The following KLHL2 variants were observed in gnomAD, a reference collection of about 807,000 sequenced individuals.
The protein encoded by KLHL2 is kelch like family member 2, also known as kelch-like protein 2.
A neutral mutation model predicts 75.8 loss-of-function variants in KLHL2; 15 were observed. That is an observed-to-expected ratio of 0.20 (90% confidence interval 0.13 to 0.30). KLHL2 has a LOEUF of 0.30. Ranked by LOEUF, KLHL2 falls within the 10% of genes least tolerant of loss-of-function variation. The pLI, the probability that KLHL2 is intolerant of heterozygous loss-of-function variation, is 1.00. For missense variants in KLHL2, 381 were observed against 741.0 expected, an observed-to-expected ratio of 0.51 and a Z score of 5.64; for synonymous variants, 214 against 251.9, an observed-to-expected ratio of 0.85 and a Z score of 1.42.
rs182440027 is a variant in KLHL2, at chr4:165,283,584, A to G, written c.545-10775A>G. Among the ~76,000 whole-genome samples, 454 of 152,346 alleles carry G rather than the reference A, an allele frequency of 3.0e-3. 1 individual carries two copies. Among genetic ancestry groups the G allele is most frequent in the Middle Eastern group, 0.02 (6 of 294 alleles). On this transcript the variant is annotated intron_variant, in intron 5 of 14. Coordinates refer to ENST00000226725, the MANE Select transcript of KLHL2 (RefSeq NM_007246.4). Reference sequence around the variant, plus strand: ...GATGTAGGTTCCCACAGTCTTGGGCAGCTCCTACCTCCTGGCTGCCTTCAG... The same window carrying G: ...GATGTAGGTTCCCACAGTCTTGGGCGGCTCCTACCTCCTGGCTGCCTTCAG...
At chr4:165,234,857 G>C (rs1469233334) in intron 3 of KLHL2, among the ~76,000 whole-genome samples, 9 of 151,940 alleles carry the variant, frequency 5.9e-5, no homozygotes, top group African/African-American at 1.9e-4. Flanking sequence ...TAGGAGACTG[G>C]GTACGGTGGC....
At chr4:165,240,471 C>A (rs1579020370) in intron 4 of KLHL2, 1 of 151,872 alleles carries the variant, frequency 6.6e-6, no homozygotes, top group Middle Eastern at 3.4e-3. Flanking sequence ...TGAGGTAAGG[C>A]ATTTGAAAAA....
At chr4:165,289,615 C>A (rs1275926062) in intron 5 of KLHL2, among the ~76,000 whole-genome samples, 1 of 144,642 alleles carries the variant, frequency 6.9e-6, no homozygotes, top group East Asian at 2.1e-4. Flanking sequence ...ATTTTCCTTG[C>A]CCTCTTAACC....
chr4:165,302,179 T>G (rs958711942), intron 8 of KLHL2, among the ~76,000 whole-genome samples: 5 of 152,342 alleles, frequency 3.3e-5, no homozygotes, highest in African/African-American at 1.2e-4. Flanking sequence ...GCTTTGACTT[T>G]GCATGTTTAC....
intron 2 of KLHL2, 29 bp downstream of exon 2, chr4:165,220,088 A>G (rs765731126): frequency 8.2e-6 from 13 of 1,577,992 alleles, no homozygotes; most frequent in Non-Finnish European, 1.0e-5. Context: ...ACATGCAACC[A>G]TTGGTTTCGT....
At chr4:165,232,287 C>T (rs1738955206) in intron 3 of KLHL2, among the ~76,000 whole-genome samples, 1 of 151,726 alleles carries the variant, frequency 6.6e-6, no homozygotes, top group Non-Finnish European at 1.5e-5. Context: ...ATTAGCCGGG[C>T]GTGGTGGCGG....
intron 13 of KLHL2, 82 bp downstream of exon 13, chr4:165,314,248 A>C: frequency 1.6e-6 from 2 of 1,278,352 alleles, no homozygotes; most frequent in Non-Finnish European, 2.2e-6. Flanking sequence ...ATGAATATCA[A>C]TGGTATTTCC....
chr4:165,225,027 G>C (rs1738323738), intron 2 of KLHL2, among the ~76,000 whole-genome samples: 1 of 152,182 alleles, frequency 6.6e-6, no homozygotes, highest in Non-Finnish European at 1.5e-5. Flanking sequence ...AAGACCCAAG[G>C]ATGCCTTAGT....
Position 165,252,258 on chromosome 4 carries a change from G to A in KLHL2, c.382-10939G>A, listed in dbSNP as rs1740797324. ...TTTTTCTTGTTTGTGATGTTGTTTAGGTATGGAGCCTGTGTGTGGGATAGC... is the reference window on the plus strand; with the variant it reads ...TTTTTCTTGTTTGTGATGTTGTTTAAGTATGGAGCCTGTGTGTGGGATAGC... On this transcript the variant is annotated intron_variant, in intron 4 of 14. Coordinates refer to ENST00000226725, the MANE Select transcript of KLHL2 (RefSeq NM_007246.4). Among the ~76,000 whole-genome samples the A allele has an allele frequency of 2.6e-5, 4 of 151,840 alleles. No homozygotes were observed. In the South Asian group the frequency reaches 8.3e-4, roughly 32 times the overall value.
intron 4 of KLHL2, among the ~76,000 whole-genome samples, chr4:165,257,292 A>G (rs1741253244): frequency 6.6e-6 from 1 of 152,236 alleles, no homozygotes; most frequent in African/African-American, 2.4e-5. Flanking sequence ...CCATAGCTAC[A>G]TGTGACGGGA....
At chr4:165,291,726 A>G (rs898555376) in intron 5 of KLHL2, among the ~76,000 whole-genome samples, 1 of 152,162 alleles carries the variant, frequency 6.6e-6, no homozygotes, top group East Asian at 1.9e-4. Flanking sequence ...TATTGATTCT[A>G]GGACCCCCAA....
intron 4 of KLHL2, among the ~76,000 whole-genome samples, chr4:165,255,751 C>T (rs1292087624): frequency 6.6e-6 from 1 of 152,106 alleles, no homozygotes; most frequent in Non-Finnish European, 1.5e-5. Context: ...CTACCTTCTC[C>T]CCACACTCCT....
At chr4:165,256,833 CTGTT>C (rs1741213348) in intron 4 of KLHL2, among the ~76,000 whole-genome samples, 1 of 152,128 alleles carries the variant, frequency 6.6e-6, no homozygotes, top group African/African-American at 2.4e-5. Context: ...CCCTCTAATA[CTGTT>C]TGTTGTTATG....
At chr4:165,255,255 G>A (rs999134415) in intron 4 of KLHL2, among the ~76,000 whole-genome samples, 6 of 152,124 alleles carry the variant, frequency 3.9e-5, no homozygotes, top group Non-Finnish European at 7.3e-5. Flanking sequence ...CATTGGAAAT[G>A]CCACCAATTG....
Position 165,300,325 on chromosome 4 carries a change from G to A in KLHL2, c.921+669G>A, listed in dbSNP as rs1309107962. On this transcript the variant is annotated intron_variant, in intron 8 of 14. Coordinates refer to ENST00000226725, the MANE Select transcript of KLHL2 (RefSeq NM_007246.4). Reference sequence around the variant, plus strand: ...AAAAAAAAAAAAAAAGAATTATTTTGTAAGCTAGGTGTTTGTTTAATAACT... The same window carrying A: ...AAAAAAAAAAAAAAAGAATTATTTTATAAGCTAGGTGTTTGTTTAATAACT... Among the ~76,000 whole-genome samples the A allele has an allele frequency of 6.0e-5, 9 of 151,244 alleles. No homozygotes were observed. In the East Asian group the frequency reaches 1.4e-3, roughly 23 times the overall value.
intron 7 of KLHL2, among the ~76,000 whole-genome samples, chr4:165,299,132 A>G (rs1421166660): frequency 2.0e-5 from 3 of 152,104 alleles, no homozygotes; most frequent in Admixed American, 1.3e-4. Flanking sequence ...TATTGTCTTC[A>G]CCTGAAGGAT....
rs1307677838 is a variant in KLHL2 at position 165,310,851 on chromosome 4, TTG to T, written c.1237+105_1237+106del. 4.4e-4 allele frequency: 406 copies of T among 931,556 alleles called. 4 individuals carry two copies. The African/African-American group carries it at 5.9e-3, about 14-fold the overall frequency. 57.7% of individuals were successfully genotyped at this position (931,556 alleles called of 1,614,324 possible). On this transcript the variant is annotated intron_variant, in intron 10 of 14. Coordinates refer to ENST00000226725, the MANE Select transcript of KLHL2 (RefSeq NM_007246.4). ...AACATTAGGGCACATGTGAGGTTTT[TTG>T]TGTTTTTTTTTTTTTTTTTGAGATG... is the stretch of plus-strand genomic sequence containing the variant.
At chr4:165,218,135 C>T (rs1046882166) in intron 1 of KLHL2, among the ~76,000 whole-genome samples, 1 of 152,162 alleles carries the variant, frequency 6.6e-6, no homozygotes, top group Non-Finnish European at 1.5e-5. Flanking sequence ...ATTGTAATAT[C>T]CTGCTAAATA....
In KLHL2 at chr4:165,263,803, TTG is replaced by T. The variant is rs1171089312; in HGVS notation, c.544+446_544+447del. Among the ~76,000 whole-genome samples, 240 of 90,652 alleles carry T rather than the reference TTG, an allele frequency of 2.6e-3. 1 individual carries two copies. Among genetic ancestry groups the T allele is most frequent in the Middle Eastern group, 0.012 (2 of 168 alleles). The allele number at this position is 90,652 out of a possible 152,430, so 59.5% of individuals were successfully genotyped here. On this transcript the variant is annotated intron_variant, in intron 5 of 14. Coordinates refer to ENST00000226725, the MANE Select transcript of KLHL2 (RefSeq NM_007246.4). Reference sequence around the variant, plus strand: ...GTTATTTTAGCTCTGATTTTTTACATTGTTTTTTTTTTTTTTTTTTTTTTTTG... The same window carrying T: ...GTTATTTTAGCTCTGATTTTTTACATTTTTTTTTTTTTTTTTTTTTTTTTG...
Sources: gnomAD v4.1 joint callset for allele counts (sites outside exome capture counted in the v4.1 genomes callset) on GRCh38, gnomAD v4.1.1 for gene constraint, MANE v1.5 for transcripts, NCBI Gene and HGNC (gene_info 2026-07-23, HGNC 2026-07-21) for gene names.